The following AJAP1 variants were observed in gnomAD, a reference collection of about 807,000 sequenced individuals.
AJAP1 encodes adherens junction-associated protein 1.
A neutral mutation model predicts 35.0 loss-of-function variants in AJAP1; 5 were observed. The observed-to-expected ratio is 0.14, with a 90% CI of 0.07 to 0.30. The LOEUF (loss-of-function observed/expected upper bound fraction) is 0.30. Among genes scored for constraint, AJAP1 ranks in the 10% least tolerant of loss-of-function variants. The pLI, the probability that AJAP1 is intolerant of heterozygous loss-of-function variation, is 1.00. For missense variants in AJAP1, 586 were observed against 571.0 expected, an observed-to-expected ratio of 1.03 and a Z score of -0.27; for synonymous variants, 284 against 249.3, an observed-to-expected ratio of 1.14 and a Z score of -1.31.
chr1:4,761,222 G>A (rs1641557165), intron 2 of AJAP1, among the ~76,000 whole-genome samples: 1 of 152,226 alleles, frequency 6.6e-6, no homozygotes, highest in Non-Finnish European at 1.5e-5. Context: ...GAATGCAGCA[G>A]TGCTGAGATT....
rs1639756887 is a variant in AJAP1 at position 4,692,239 on chromosome 1, GC to G, written c.30-19659del. 6.6e-6 allele frequency among the ~76,000 whole-genome samples: 1 copy of G among 152,222 alleles called. No homozygotes were observed. The highest frequency in any genetic ancestry group is 2.4e-5 in the African/African-American group (1 of 41,554). ...AGGCAGGCTCCTGCTGCTGCCTCCC[GC>G]CGCTGCCTCCCGCCACCAGGACAGG... On this transcript the variant is annotated intron_variant, in intron 1 of 5. Transcript: ENST00000378191. The surrounding 1 kb of genome is among the most constrained non-coding windows in gnomAD (Gnocchi z 4.4).
At chr1:4,665,655 G>A (rs1385324948) in intron 1 of AJAP1, among the ~76,000 whole-genome samples, 2 of 152,182 alleles carry the variant, frequency 1.3e-5, no homozygotes, top group African/African-American at 2.4e-5. Flanking sequence ...CCAGGTGAGA[G>A]CCAGGCAGCG....
At chr1:4,673,374 C>T (rs753347085) in intron 1 of AJAP1, among the ~76,000 whole-genome samples, 2 of 152,214 alleles carry the variant, frequency 1.3e-5, no homozygotes, top group African/African-American at 4.8e-5. Flanking sequence ...CTCTCTTTCC[C>T]GTCCCCTCCC....
intron 2 of AJAP1, among the ~76,000 whole-genome samples, chr1:4,745,417 C>T (rs1270148570): frequency 6.6e-6 from 1 of 152,100 alleles, no homozygotes; most frequent in African/African-American, 2.4e-5. Flanking sequence ...AGGAATGTTG[C>T]CCTGCCCTCC....
Position 4,712,211 on chromosome 1 carries a change from A to G in AJAP1, c.341A>G (p.Lys114Arg). ...GACCAGGCGGCCGCCCTCGTGCCCA[A>G]GGCAGGACTGGCCAAGCCCCCAGCT... is the stretch of plus-strand genomic sequence containing the variant. ...PRDQAAALVP[K>R]AGLAKPPAAA... The change falls in exon 2 of 6, where the codon AAG (lysine) becomes AGG (arginine). Residue 114 changes from lysine to arginine, a missense_variant. Transcript: ENST00000378191. 1 of 1,558,438 alleles carries G rather than the reference A, an allele frequency of 6.4e-7. No homozygotes were observed. The highest frequency in any genetic ancestry group is 8.6e-7 in the Non-Finnish European group (1 of 1,160,928).
At chr1:4,757,224 T>G (rs552651836) in intron 2 of AJAP1, among the ~76,000 whole-genome samples, 10 of 152,120 alleles carry the variant, frequency 6.6e-5, no homozygotes, top group Admixed American at 1.3e-4. Context: ...CCTTTCCGCC[T>G]CCCCTGTCAG....
rs113251363 is a variant in AJAP1, at chr1:4,690,729, C to T, written c.30-21171C>T. Among the ~76,000 whole-genome samples the T allele has an allele frequency of 3.9e-3, 599 of 152,310 alleles. 5 individuals carry two copies. The highest frequency in any genetic ancestry group is 0.014 in the African/African-American group (569 of 41,566). ...AAGCATAAACAGCTGTCCCAGGCCA[C>T]ACGGTCCACAGAGAGAGAACTTCCC... is the stretch of plus-strand genomic sequence containing the variant. On this transcript the variant is annotated intron_variant, in intron 1 of 5. Transcript: ENST00000378191.
At chr1:4,675,723 C>T (rs985473164) in intron 1 of AJAP1, among the ~76,000 whole-genome samples, 10 of 152,228 alleles carry the variant, frequency 6.6e-5, no homozygotes, top group African/African-American at 2.4e-4. Context: ...AAGGTCTGAC[C>T]TCTCTTGGGC....
At chr1:4,760,170 TGTGA>T (rs911594569) in intron 2 of AJAP1, among the ~76,000 whole-genome samples, 5 of 152,126 alleles carry the variant, frequency 3.3e-5, no homozygotes, top group Admixed American at 1.3e-4. Flanking sequence ...TCAGGCCGTG[TGTGA>T]GTCTCTGTGA....
At chr1:4,694,392 G>A (rs985025604) in intron 1 of AJAP1, among the ~76,000 whole-genome samples, 9 of 152,180 alleles carry the variant, frequency 5.9e-5, no homozygotes, top group African/African-American at 1.4e-4. Flanking sequence ...GAGGCTTGGC[G>A]TGGCCATGTC....
intron 1 of AJAP1, among the ~76,000 whole-genome samples, chr1:4,666,060 C>T (rs1216957352): frequency 6.6e-6 from 1 of 151,994 alleles, no homozygotes; most frequent in African/African-American, 2.4e-5. Flanking sequence ...GTGGAGGCAC[C>T]CCGCAGTGAA....
rs1203429491 is a variant in AJAP1 at position 4,723,670 on chromosome 1, C to G, written c.829+10971C>G. ...GGAGACGGGAGGTGAGCCGCAGATG[C>G]AGTGGGTGGAGCTGAATATTTTGAG... On this transcript the variant is annotated intron_variant, in intron 2 of 5. Coordinates refer to ENST00000378191, the MANE Select transcript of AJAP1 (RefSeq NM_018836.4). The surrounding 1 kb of genome is among the most constrained non-coding windows in gnomAD (Gnocchi z 4.3). 6.6e-6 allele frequency among the ~76,000 whole-genome samples: 1 copy of G among 152,006 alleles called. No homozygotes were observed.
At chr1:4,750,577 C>G (rs531132324) in intron 2 of AJAP1, among the ~76,000 whole-genome samples, 1 of 150,418 alleles carries the variant, frequency 6.6e-6, no homozygotes, top group East Asian at 2.0e-4. Flanking sequence ...CTGGGATGGG[C>G]ACAGTTACAG....
intron 1 of AJAP1, among the ~76,000 whole-genome samples, chr1:4,663,739 C>A (rs558637295): frequency 1.4e-5 from 2 of 144,168 alleles, no homozygotes; most frequent in Admixed American, 7.1e-5. Flanking sequence ...TCAACTCTTG[C>A]AACCGGTGTG....
intron 1 of AJAP1, among the ~76,000 whole-genome samples, chr1:4,698,363 G>A (rs978664633): frequency 1.1e-4 from 16 of 152,282 alleles, no homozygotes; most frequent in Admixed American, 8.5e-4. Context: ...CACAGACCTT[G>A]GTCCCCTGCA....
At chr1:4,779,582 C>T (rs1350862294) in intron 5 of AJAP1, among the ~76,000 whole-genome samples, 1 of 152,108 alleles carries the variant, frequency 6.6e-6, no homozygotes, top group Non-Finnish European at 1.5e-5. Context: ...TGGAAAGCAG[C>T]CGGGGCCACA....
chr1:4,711,812 A>G, intron 1 of AJAP1, 88 bp from the exon 2 acceptor site: 2 of 1,060,616 alleles, frequency 1.9e-6, no homozygotes, highest in Non-Finnish European at 2.6e-6. Context: ...TCCTTGTCAC[A>G]GCGCGGGGTG....
chr1:4,742,471 C>G (rs146266576), intron 2 of AJAP1, among the ~76,000 whole-genome samples: 1 of 152,060 alleles, frequency 6.6e-6, no homozygotes, highest in Non-Finnish European at 1.5e-5. Flanking sequence ...AATTGGAAGA[C>G]GAGAGACTCA....
At chr1:4,767,568 A>G (rs1434409280) in intron 2 of AJAP1, among the ~76,000 whole-genome samples, 2 of 148,468 alleles carry the variant, frequency 1.3e-5, no homozygotes, top group Non-Finnish European at 2.9e-5. Flanking sequence ...TACCATCATT[A>G]TCACCATCAT....
Sources: gnomAD v4.1 joint callset for allele counts (sites outside exome capture counted in the v4.1 genomes callset) on GRCh38, gnomAD v4.1.1 for gene constraint, Gnocchi (gnomAD v3.1) non-coding constraint, MANE v1.5 for transcripts, NCBI Gene and HGNC (gene_info 2026-07-23, HGNC 2026-07-21) for gene names.